ZPBP: variants seen among roughly 807,000 people sequenced by gnomAD.
ZPBP encodes zona pellucida-binding protein 1.
A neutral mutation model predicts 44.8 loss-of-function variants in ZPBP; 26 were observed. The observed-to-expected ratio is 0.58, with a 90% CI of 0.43 to 0.81. The LOEUF (loss-of-function observed/expected upper bound fraction) is 0.81, where lower values mean the gene tolerates loss of function less well. Ranked by LOEUF, ZPBP falls within the 30% of genes least tolerant of loss-of-function variation. The pLI is 0.00. For synonymous variants in ZPBP, 174 were observed against 153.2 expected (o/e 1.14, Z -1.00); for missense variants, 409 against 434.0 (o/e 0.94, Z 0.51).
At chr7:49,924,003 A>C (rs1232917549) in intron 1 of ZPBP, among the ~76,000 whole-genome samples, 2 of 152,128 alleles carry the variant, frequency 1.3e-5, no homozygotes, top group Non-Finnish European at 2.9e-5. Context: ...GGTGCCTGTA[A>C]TCCCAGCTAC....
At chr7:50,022,279 C>T (rs1434776087) in intron 5 of ZPBP, among the ~76,000 whole-genome samples, 1 of 151,892 alleles carries the variant, frequency 6.6e-6, no homozygotes, top group Non-Finnish European at 1.5e-5. Context: ...TTTTTTCACT[C>T]ATCTTTTTTA....
chr7:50,008,691 T>C (rs1320920074), intron 6 of ZPBP, among the ~76,000 whole-genome samples: 2 of 152,012 alleles, frequency 1.3e-5, no homozygotes, highest in African/African-American at 4.8e-5. Context: ...TGGAACAGAA[T>C]ACAGAAACCA....
At chr7:50,018,456 C>A in intron 5 of ZPBP, 140 bp from the exon 6 acceptor site, 1 of 677,742 alleles carries the variant, frequency 1.5e-6, no homozygotes, top group South Asian at 2.2e-5. Context: ...CTAAATGACT[C>A]TTCAGCAAAA....
chr7:49,895,549 CAAG>C (rs1319703081), intron 2 of ZPBP, among the ~76,000 whole-genome samples: 1 of 152,132 alleles, frequency 6.6e-6, no homozygotes, highest in Non-Finnish European at 1.5e-5. Context: ...GTCCATGAGG[CAAG>C]AAAAGCATTA....
intron 7 of ZPBP, chr7:49,942,320 G>A: frequency 4.5e-6 from 1 of 220,152 alleles, no homozygotes; most frequent in Non-Finnish European, 9.0e-6. Flanking sequence ...GTTCCCGCTT[G>A]TATTTTTCAC....
chr7:49,903,383 C>T (rs1318802817), intron 1 of ZPBP, among the ~76,000 whole-genome samples: 1 of 152,140 alleles, frequency 6.6e-6, no homozygotes, highest in African/African-American at 2.4e-5. Context: ...TACAGCCATA[C>T]CATGGAATAC....
chr7:50,052,658 T>C (rs1355214956), intron 4 of ZPBP, among the ~76,000 whole-genome samples: 1 of 152,136 alleles, frequency 6.6e-6, no homozygotes, highest in Non-Finnish European at 1.5e-5. Flanking sequence ...CAAACGTCCA[T>C]AGAAGCTTTA....
intron 2 of ZPBP, among the ~76,000 whole-genome samples, chr7:49,863,498 C>G (rs1790750593): frequency 6.6e-6 from 1 of 152,150 alleles, no homozygotes; most frequent in African/African-American, 2.4e-5. Context: ...ATGGCATGAT[C>G]TCAGCTCACT....
At chr7:50,005,829 G>GTGTC (rs976266305) in intron 6 of ZPBP, among the ~76,000 whole-genome samples, 3 of 36,940 alleles carry the variant, frequency 8.1e-5, no homozygotes, top group African/African-American at 1.8e-4. Flanking sequence ...ATATATGTGT[G>GTGTC]TGTGTGTGTG....
At chr7:49,973,196 A>G (rs574790332) in intron 7 of ZPBP, among the ~76,000 whole-genome samples, 1 of 151,688 alleles carries the variant, frequency 6.6e-6, no homozygotes, top group Non-Finnish European at 1.5e-5. Context: ...AAAACCATAG[A>G]CAACAAAAGA....
chr7:50,077,246 A>G (rs1160784377), intron 3 of ZPBP, among the ~76,000 whole-genome samples: 2 of 151,956 alleles, frequency 1.3e-5, no homozygotes, highest in Non-Finnish European at 2.9e-5. Context: ...ACAAAGATCA[A>G]ATCAAAATAG....
chr7:49,901,870 G>GAACACTGTTTGCTAACACTGTTAGCT (rs556242675), intron 1 of ZPBP, among the ~76,000 whole-genome samples: 5,059 of 146,854 alleles, frequency 0.034, 308 homozygotes, highest in Admixed American at 0.15. Context: ...AGATAAATAT[G>GAACACTGTTTGCTAACACTGTTAGCT]AACACTGTTT....
At chr7:50,042,917 A>G (rs1034718222) in intron 4 of ZPBP, among the ~76,000 whole-genome samples, 1 of 152,152 alleles carries the variant, frequency 6.6e-6, no homozygotes. Context: ...AAACCCCCAA[A>G]TCTGGTCATA....
At chr7:49,903,319 T>A (rs556153079) in intron 1 of ZPBP, among the ~76,000 whole-genome samples, 1 of 152,082 alleles carries the variant, frequency 6.6e-6, no homozygotes, top group Non-Finnish European at 1.5e-5. Context: ...TTATAATAGC[T>A]CAAAACTGGA....
intron 6 of ZPBP, among the ~76,000 whole-genome samples, chr7:49,987,808 T>C (rs1797375667): frequency 6.6e-6 from 1 of 151,494 alleles, no homozygotes; most frequent in Non-Finnish European, 1.5e-5. Context: ...TTAACTGATT[T>C]GAAGGATAAG....
At chr7:49,980,140 T>A (rs2128777133) in intron 7 of ZPBP, among the ~76,000 whole-genome samples, 1 of 113,410 alleles carries the variant, frequency 8.8e-6, no homozygotes, top group African/African-American at 3.5e-5. Flanking sequence ...ATATATTATA[T>A]TTATATTATA....
intron 2 of ZPBP, among the ~76,000 whole-genome samples, chr7:49,900,786 A>C (rs1451905307): frequency 6.6e-6 from 1 of 151,890 alleles, no homozygotes; most frequent in African/African-American, 2.4e-5. Flanking sequence ...CCCTATTACC[A>C]AACCAGACAT....
intron 3 of ZPBP, 141 bp from the exon 4 acceptor site, chr7:50,058,282 T>G: frequency 1.2e-6 from 1 of 836,818 alleles, no homozygotes; most frequent in Admixed American, 2.0e-5. Flanking sequence ...ACATTACATC[T>G]GGTATCTGCT....
chr7:50,067,343 CT>C (rs202015729), intron 3 of ZPBP, among the ~76,000 whole-genome samples: 485 of 151,406 alleles, frequency 3.2e-3, no homozygotes, highest in African/African-American at 0.011. Context: ...CAGTTAAAAT[CT>C]TTTTTTTTCC....
Sources: gnomAD v4.1 joint callset for allele counts (sites outside exome capture counted in the v4.1 genomes callset) on GRCh38, gnomAD v4.1.1 for gene constraint, MANE v1.5 for transcripts, NCBI Gene and HGNC (gene_info 2026-07-23, HGNC 2026-07-21) for gene names.